The following PRKCG variants were observed in gnomAD, a reference collection of about 807,000 sequenced individuals.
The protein encoded by PRKCG is protein kinase C gamma type.
A neutral mutation model predicts 82.0 loss-of-function variants in PRKCG; 28 were observed. That is an observed-to-expected ratio of 0.34 (90% CI 0.25 to 0.47). The LOEUF is 0.47. PRKCG is among the 20% of genes least tolerant of loss of function. PRKCG has a pLI of 1.00. For synonymous variants in PRKCG, 383 were observed against 376.6 expected (o/e 1.02, Z -0.20); for missense variants, 640 against 952.7 (o/e 0.67, Z 4.32).
chr19:53,898,321 C>T, intron 10 of PRKCG, 119 bp from the exon 11 acceptor site: 1 of 1,410,010 alleles, frequency 7.1e-7, no homozygotes, highest in Non-Finnish European at 9.9e-7. Context: ...GGCTGTCAGT[C>T]CCTTAAGAGA....
chr19:53,897,031 G>T (rs1382969214), intron 9 of PRKCG, among the ~76,000 whole-genome samples: 1 of 152,086 alleles, frequency 6.6e-6, no homozygotes, highest in Non-Finnish European at 1.5e-5. Context: ...AAGACCTAAC[G>T]GCACATCCAG....
At position 53,903,060 on chromosome 19, in the gene PRKCG, C is replaced by T. The variant is rs1452830328; in HGVS notation, c.1576-13C>T. On this transcript the variant is annotated splice_polypyrimidine_tract_variant and intron_variant, in intron 14 of 17. Transcript: ENST00000263431. ...AGAACGCATCATGATTCCCTGCCTT[C>T]CACCTCCCCTAGATCATTGCCTACC... 1 of 1,609,596 alleles carries T rather than the reference C, an allele frequency of 6.2e-7. No homozygotes were observed. Among genetic ancestry groups the T allele is most frequent in the South Asian group, 1.1e-5 (1 of 90,992 alleles).
At position 53,883,063 on chromosome 19, in the gene PRKCG, G is replaced by A; in HGVS notation, c.171-100G>A. 4.7e-6 allele frequency: 7 copies of A among 1,492,638 alleles called. 1 individual carries two copies. The South Asian group carries it at 7.9e-5, about 17-fold the overall frequency. The allele number at this position is 1,492,638 out of a possible 1,614,324, so 92.5% of individuals were successfully genotyped here. The stretch of plus-strand genomic sequence containing the variant: ...GCCGGGGCTTGGACACCTGGGCCCT[G>A]CGGGAGGAGGGTCAGAGAGCGCAGG... On this transcript the variant is annotated intron_variant, in intron 1 of 17. Coordinates refer to ENST00000263431, the MANE Select transcript of PRKCG (RefSeq NM_002739.5). This position sits in a 1 kb window ranked among gnomAD's most constrained non-coding sequence, Gnocchi z 5.4.
chr19:53,884,918 G>A lies in PRKCG; in HGVS notation c.285+675G>A, dbSNP rs1317291428. Among the ~76,000 whole-genome samples, 2 of 152,186 alleles carry A rather than the reference G, an allele frequency of 1.3e-5. No homozygotes were observed. Among genetic ancestry groups the A allele is most frequent in the East Asian group, 1.9e-4 (1 of 5,194 alleles). On this transcript the variant is annotated intron_variant, in intron 3 of 17. Coordinates refer to ENST00000263431, the MANE Select transcript of PRKCG (RefSeq NM_002739.5). This position sits in a 1 kb window ranked among gnomAD's most constrained non-coding sequence, Gnocchi z 4.6. ...CCCTGTCATCACAGATGTGCAGCAC[G>A]CAGAGACACACAGCCTCTCCCCACC...
intron 9 of PRKCG, among the ~76,000 whole-genome samples, chr19:53,893,679 G>A (rs533942413): frequency 1.4e-5 from 2 of 146,590 alleles, no homozygotes; most frequent in East Asian, 3.9e-4. Flanking sequence ...AATCCAGCCT[G>A]GGGGAGGGTG....
chr19:53,890,818 C>G (rs981642396), intron 5 of PRKCG, among the ~76,000 whole-genome samples: 7 of 149,228 alleles, frequency 4.7e-5, no homozygotes, highest in African/African-American at 1.7e-4. Flanking sequence ...GTAGCATGAT[C>G]TCAGCTCACT....
rs558625949 is a variant in PRKCG, at chr19:53,907,270, G to A, written c.*375G>A. 1 of 340,796 alleles carries A rather than the reference G, an allele frequency of 2.9e-6. No homozygotes were observed. Among genetic ancestry groups the A allele is most frequent in the Non-Finnish European group, 5.6e-6 (1 of 178,310 alleles). 21.1% of individuals were successfully genotyped at this position (340,796 alleles called of 1,614,324 possible). ...CCCGCCCCTGGGGAAATAGCCTCACGGGGTTGGCTGTTCCAGACTCAGGTT... is the reference window on the plus strand; with the variant it reads ...CCCGCCCCTGGGGAAATAGCCTCACAGGGTTGGCTGTTCCAGACTCAGGTT... On this transcript the variant is annotated 3_prime_UTR_variant, in exon 18 of 18. Coordinates refer to ENST00000263431, the MANE Select transcript of PRKCG (RefSeq NM_002739.5).
chr19:53,893,245 G>A lies in PRKCG; in HGVS notation c.910-117G>A, dbSNP rs561359881. ...GGGACTCGAGCCCCAGGGTCTGATGGGAATTATAGTTCCTATCTATCGCCA... is the reference window on the plus strand; with the variant it reads ...GGGACTCGAGCCCCAGGGTCTGATGAGAATTATAGTTCCTATCTATCGCCA... On this transcript the variant is annotated intron_variant, in intron 8 of 17. Transcript: ENST00000263431. 1.4e-5 allele frequency: 19 copies of A among 1,336,976 alleles called. No individual in the cohort carries two copies. In the Admixed American group the frequency reaches 2.0e-4, roughly 14 times the overall value. The allele number at this position is 1,336,976 out of a possible 1,614,324, so 82.8% of individuals were successfully genotyped here. A position where few individuals can be genotyped will look rare whatever the true frequency, so the allele number is the denominator to read the frequency against.
rs1485459135 is a variant in PRKCG at position 53,882,401 on chromosome 19, G to T, written c.-94G>T. On this transcript the variant is annotated 5_prime_UTR_variant, in exon 1 of 18. Transcript: ENST00000263431. The surrounding 1 kb of genome is among the most constrained non-coding windows in gnomAD (Gnocchi z 6.1). ...CTGCCCACCTCGGAATTTCCCTGTG[G>T]CTCCTTTGATCCTTCGAGTCTCCAG... 1 of 1,532,256 alleles carries T rather than the reference G, an allele frequency of 6.5e-7. No homozygotes were observed. The highest frequency in any genetic ancestry group is 8.8e-7 in the Non-Finnish European group (1 of 1,132,642). 94.9% of individuals were successfully genotyped at this position (1,532,256 alleles called of 1,614,324 possible). A position where few individuals can be genotyped will look rare whatever the true frequency, so the allele number is the denominator to read the frequency against.
chr19:53,905,372 T>G (rs2068794291), intron 16 of PRKCG, among the ~76,000 whole-genome samples: 1 of 137,540 alleles, frequency 7.3e-6, no homozygotes, highest in South Asian at 2.3e-4. Context: ...CCCTCCTGTG[T>G]CCACTCTCAT....
At chr19:53,896,595 T>C (rs1285100380) in intron 9 of PRKCG, among the ~76,000 whole-genome samples, 3 of 151,972 alleles carry the variant, frequency 2.0e-5, no homozygotes, top group African/African-American at 4.8e-5. Flanking sequence ...AATTTTTATA[T>C]TGCTAGTAGA....
At chr19:53,895,167 T>C (rs2068708637) in intron 9 of PRKCG, among the ~76,000 whole-genome samples, 1 of 152,152 alleles carries the variant, frequency 6.6e-6, no homozygotes, top group Admixed American at 6.5e-5. Context: ...CCTTTCCTTA[T>C]GGGATTTACA....
upstream of PRKCG, among the ~76,000 whole-genome samples, chr19:53,881,553 C>T (rs892051104): frequency 6.6e-6 from 1 of 151,812 alleles, no homozygotes; most frequent in African/African-American, 2.4e-5. Context: ...CAGACCAAGA[C>T]CCCGAGAAGA....
Position 53,898,029 on chromosome 19 carries a change from G to A in PRKCG, c.1010G>A (p.Cys337Tyr), listed in dbSNP as rs1490160311. The change falls in exon 10 of 18, where the codon TGC (cysteine) becomes TAC (tyrosine). Residue 337 changes from cysteine (C) to tyrosine (Y), a missense_variant. Coordinates refer to ENST00000263431, the MANE Select transcript of PRKCG (RefSeq NM_002739.5). ...PSPSPTDPKR[C>Y]FFGASPGRLH... ...CCTAGTCCCACCGACCCCAAGCGCT[G>A]CTTCTTCGGGGCGAGTCCAGGACGC... 6.2e-7 allele frequency: 1 copy of A among 1,614,074 alleles called. No homozygotes were observed. The highest frequency in any genetic ancestry group is 8.5e-7 in the Non-Finnish European group (1 of 1,180,018).
Position 53,884,444 on chromosome 19 carries a change from G to C in PRKCG, c.285+201G>C, listed in dbSNP as rs1375617414. Among the ~76,000 whole-genome samples the C allele has an allele frequency of 6.6e-6, 1 of 152,170 alleles. No homozygotes were observed. Among genetic ancestry groups the C allele is most frequent in the Admixed American group, 6.5e-5 (1 of 15,268 alleles). ...AGGGGGACTGACAGGCTGGGGACAC[G>C]GGTGGGGCACAGAGAGGAGGCCGGG... On this transcript the variant is annotated intron_variant, in intron 3 of 17. Transcript: ENST00000263431. This position sits in a 1 kb window ranked among gnomAD's most constrained non-coding sequence, Gnocchi z 4.6.
At chr19:53,902,733 A>T (rs2068772597) in intron 14 of PRKCG, among the ~76,000 whole-genome samples, 1 of 151,742 alleles carries the variant, frequency 6.6e-6, no homozygotes. Context: ...TATCTTCACT[A>T]AAAGTGCAAA....
upstream of PRKCG, chr19:53,882,147 C>T: frequency 3.0e-6 from 1 of 335,708 alleles, no homozygotes; most frequent in Non-Finnish European, 5.6e-6. This position sits in a 1 kb window ranked among gnomAD's most constrained non-coding sequence, Gnocchi z 6.1. Flanking sequence ...TAAGCCGAAA[C>T]CCCGCCCTCT....
Position 53,899,232 on chromosome 19 carries a change from G to C in PRKCG, c.1281+604G>C, listed in dbSNP as rs376612258. ...TGTCGTGAAGCGGTTGAGTTCCTTG[G>C]GGGCGTGGCCAGGTGGATGGGCTCT... is the stretch of plus-strand genomic sequence containing the variant. On this transcript the variant is annotated intron_variant, in intron 11 of 17. Coordinates refer to ENST00000263431, the MANE Select transcript of PRKCG (RefSeq NM_002739.5). Among the ~76,000 whole-genome samples the C allele has an allele frequency of 1.7e-4, 26 of 151,968 alleles. No individual in the cohort carries two copies. The East Asian group carries it at 3.3e-3, about 19-fold the overall frequency.
intron 5 of PRKCG, among the ~76,000 whole-genome samples, chr19:53,891,299 C>A (rs541334797): frequency 6.9e-6 from 1 of 145,308 alleles, no homozygotes; most frequent in Non-Finnish European, 1.5e-5. Flanking sequence ...TTTTTTGAGA[C>A]GGAGTCTCGC....
Sources: allele counts gnomAD v4.1 joint callset (sites outside exome capture counted in the v4.1 genomes callset), GRCh38; gene constraint gnomAD v4.1.1; non-coding constraint Gnocchi (gnomAD v3.1); transcripts MANE v1.5; gene names NCBI Gene and HGNC (gene_info 2026-07-23, HGNC 2026-07-21).